Variants in RNGTT observed in about 807,000 individuals in gnomAD.
RNGTT encodes mRNA-capping enzyme.
RNGTT carries 33 observed loss-of-function variants against 79.3 expected under a neutral mutation model. The observed-to-expected ratio is 0.42, with a 90% CI of 0.32 to 0.56. The LOEUF (loss-of-function observed/expected upper bound fraction) is 0.56, where lower values mean the gene tolerates loss of function less well. RNGTT is among the 20% of genes least tolerant of loss of function. The pLI is 0.17. For missense variants in RNGTT, 497 were observed against 739.1 expected (o/e 0.67, Z 3.80); for synonymous variants, 222 against 235.9 (o/e 0.94, Z 0.54).
At chr6:88,670,821 G>A (rs1774609921) in intron 14 of RNGTT, among the ~76,000 whole-genome samples, 1 of 152,112 alleles carries the variant, frequency 6.6e-6, no homozygotes, top group Admixed American at 6.6e-5. Flanking sequence ...CTCTTAAAAG[G>A]GACAGGAATC....
chr6:88,744,970 A>C (rs1157491694), intron 13 of RNGTT, among the ~76,000 whole-genome samples: 1 of 152,194 alleles, frequency 6.6e-6, no homozygotes, highest in Non-Finnish European at 1.5e-5. Context: ...ATATAGTTCT[A>C]ATCAGTTTAG....
intron 11 of RNGTT, among the ~76,000 whole-genome samples, chr6:88,829,593 G>C (rs978275451): frequency 6.6e-6 from 1 of 150,880 alleles, no homozygotes; most frequent in African/African-American, 2.4e-5. Flanking sequence ...ATTGGATAAA[G>C]AGTCAAGACC....
chr6:88,693,044 G>T (rs1775537907), intron 13 of RNGTT, among the ~76,000 whole-genome samples: 1 of 151,648 alleles, frequency 6.6e-6, no homozygotes, highest in African/African-American at 2.4e-5. Context: ...GAGCAAAAAA[G>T]ATCTCAAACA....
chr6:88,891,967 T>C (rs1783065710), intron 6 of RNGTT, 52 bp from the exon 7 acceptor site: 5 of 1,201,020 alleles, frequency 4.2e-6, no homozygotes, highest in Admixed American at 2.7e-5. Flanking sequence ...TTTATTAGAG[T>C]TCAAATTCAT....
chr6:88,828,297 G>A (rs768130251), intron 11 of RNGTT, among the ~76,000 whole-genome samples: 10 of 152,202 alleles, frequency 6.6e-5, no homozygotes, highest in Non-Finnish European at 1.0e-4. Flanking sequence ...TGCAGAAGAG[G>A]GGCCTGACTG....
Position 88,715,951 on chromosome 6 carries a change from C to A in RNGTT, c.1440-37532G>T, listed in dbSNP as rs1395646996. ...ACACAAAAAGCAATGGCAACAAAAG[C>A]CAAAATTGACAAATGGGATCTAATT... On this transcript the variant is annotated intron_variant, in intron 13 of 15. Coordinates refer to ENST00000369485, the MANE Select transcript of RNGTT (RefSeq NM_003800.5). Among the ~76,000 whole-genome samples, 5 of 152,016 alleles carry A rather than the reference C, an allele frequency of 3.3e-5. No individual in the cohort carries two copies. In the East Asian group the frequency reaches 5.8e-4, roughly 18 times the overall value.
At chr6:88,753,704 A>G (rs1777914711) in intron 13 of RNGTT, among the ~76,000 whole-genome samples, 1 of 151,928 alleles carries the variant, frequency 6.6e-6, no homozygotes, top group African/African-American at 2.4e-5. Flanking sequence ...ATAGAATTAT[A>G]TAATTAAAAT....
intron 14 of RNGTT, among the ~76,000 whole-genome samples, chr6:88,632,102 A>G (rs576349880): frequency 2.6e-5 from 4 of 152,270 alleles, no homozygotes; most frequent in Admixed American, 6.5e-5. Context: ...CTGGAACTAC[A>G]GGCGTGTGCC....
chr6:88,617,555 A>G (rs1772279476), intron 14 of RNGTT, among the ~76,000 whole-genome samples: 1 of 152,174 alleles, frequency 6.6e-6, no homozygotes, highest in South Asian at 2.1e-4. Flanking sequence ...CTCTATCTTT[A>G]TGCCAGTAAT....
intron 14 of RNGTT, among the ~76,000 whole-genome samples, chr6:88,658,539 G>C (rs1463622695): frequency 6.6e-6 from 1 of 152,178 alleles, no homozygotes; most frequent in African/African-American, 2.4e-5. Context: ...CAATCCCTTG[G>C]GGATGATGGT....
chr6:88,844,046 T>C (rs1781406004), intron 11 of RNGTT, among the ~76,000 whole-genome samples: 1 of 151,700 alleles, frequency 6.6e-6, no homozygotes, highest in African/African-American at 2.4e-5. Context: ...GCAGGCCTAA[T>C]GATTTTCATT....
intron 14 of RNGTT, among the ~76,000 whole-genome samples, chr6:88,632,714 AG>A (rs200270005): frequency 4.1e-4 from 60 of 146,520 alleles, no homozygotes; most frequent in Admixed American, 5.4e-4. Context: ...CATCAAAGTC[AG>A]GGGGGAAAAA....
chr6:88,642,445 A>G (rs1168359939), intron 14 of RNGTT, among the ~76,000 whole-genome samples: 1 of 152,234 alleles, frequency 6.6e-6, no homozygotes, highest in African/African-American at 2.4e-5. Flanking sequence ...CAGGGAAAAT[A>G]CTTCATTAAA....
chr6:88,631,338 T>C (rs1467619058), intron 14 of RNGTT, among the ~76,000 whole-genome samples: 1 of 152,212 alleles, frequency 6.6e-6, no homozygotes, highest in African/African-American at 2.4e-5. Flanking sequence ...TTACTTTTTA[T>C]ATGGCTGGAT....
chr6:88,690,650 C>A (rs1562196937), intron 13 of RNGTT, among the ~76,000 whole-genome samples: 1 of 151,968 alleles, frequency 6.6e-6, no homozygotes, highest in Non-Finnish European at 1.5e-5. Context: ...TTTGAGACTG[C>A]AATAAGCTAT....
chr6:88,617,468 G>A (rs376804764), intron 14 of RNGTT, among the ~76,000 whole-genome samples: 2 of 152,070 alleles, frequency 1.3e-5, no homozygotes, highest in Admixed American at 6.6e-5. Flanking sequence ...TAGTATTGGC[G>A]CCCTTGTGGC....
At chr6:88,809,854 G>GCC (rs2127869986) in intron 11 of RNGTT, among the ~76,000 whole-genome samples, 1 of 151,694 alleles carries the variant, frequency 6.6e-6, no homozygotes, top group South Asian at 2.1e-4. Context: ...ATTGAGACCA[G>GCC]CCTGGGCAAC....
At chr6:88,837,169 C>A (rs1781109147) in intron 11 of RNGTT, among the ~76,000 whole-genome samples, 1 of 152,142 alleles carries the variant, frequency 6.6e-6, no homozygotes, top group African/African-American at 2.4e-5. Flanking sequence ...AAGGCCAGAG[C>A]ACAGCCTTGA....
intron 14 of RNGTT, among the ~76,000 whole-genome samples, chr6:88,646,943 G>A (rs1476646621): frequency 6.6e-6 from 1 of 152,114 alleles, no homozygotes. Context: ...AGGAGTTAAT[G>A]TGCACCAACA....
Sources: gnomAD v4.1 joint callset for allele counts (sites outside exome capture counted in the v4.1 genomes callset) on GRCh38, gnomAD v4.1.1 for gene constraint, MANE v1.5 for transcripts, NCBI Gene and HGNC (gene_info 2026-07-23, HGNC 2026-07-21) for gene names.